Variants in ADA observed in about 807,000 individuals in gnomAD.
ADA encodes the protein adenosine deaminase.
In ADA, 45 loss-of-function variants were observed where a neutral mutation model predicts 49.0. That is an observed-to-expected ratio of 0.92 (90% confidence interval 0.72 to 1.18). The LOEUF (loss-of-function observed/expected upper bound fraction) is 1.18, where lower values mean the gene tolerates loss of function less well. ADA is among the 50% of genes most tolerant of loss of function. ADA has a pLI of 0.00. For missense variants in ADA, 445 were observed against 472.5 expected (o/e 0.94, Z 0.54); for synonymous variants, 173 against 184.2 (o/e 0.94, Z 0.49).
intron 5 of ADA, among the ~76,000 whole-genome samples, chr20:44,625,310 C>T (rs774560588): frequency 2.0e-5 from 3 of 151,920 alleles, no homozygotes; most frequent in African/African-American, 2.4e-5. Flanking sequence ...TCAATAGTTA[C>T]GTTCCTATTT....
At chr20:44,651,541 G>T (rs1184877615) in intron 1 of ADA, 34 bp downstream of exon 1, 2 of 1,527,422 alleles carry the variant, frequency 1.3e-6, no homozygotes, top group Non-Finnish European at 1.8e-6. Flanking sequence ...CCAGGCGCCG[G>T]ACCCCCGTCC....
intron 1 of ADA, among the ~76,000 whole-genome samples, chr20:44,646,713 G>A (rs969791964): frequency 1.2e-4 from 19 of 152,044 alleles, no homozygotes; most frequent in Non-Finnish European, 1.9e-4. Context: ...CGGCAGGCAG[G>A]AATTCAACCC....
chr20:44,642,636 C>T (rs2065547720), intron 1 of ADA, among the ~76,000 whole-genome samples: 1 of 152,096 alleles, frequency 6.6e-6, no homozygotes, highest in African/African-American at 2.4e-5. Context: ...GAGGCCGAAG[C>T]AAAGGGTTTT....
At chr20:44,651,330 T>C (rs1375829156) in intron 1 of ADA, among the ~76,000 whole-genome samples, 1 of 152,160 alleles carries the variant, frequency 6.6e-6, no homozygotes, top group South Asian at 2.1e-4. Context: ...ACAGCGAAAC[T>C]GAGACCCAGA....
chr20:44,649,140 A>G (rs1422973236), intron 1 of ADA, among the ~76,000 whole-genome samples: 1 of 152,096 alleles, frequency 6.6e-6, no homozygotes, highest in Non-Finnish European at 1.5e-5. Context: ...TAGCTGTGTG[A>G]TCTTGGGCCT....
Position 44,625,431 on chromosome 20 carries a change from A to C in ADA, c.478+138T>G, listed in dbSNP as rs112441593. On this transcript the variant is annotated intron_variant, in intron 5 of 11. Transcript: ENST00000372874. ...TCTCCAGTTGTTTCATGAAGCCCCAAGTTCATGCCAGTGGGCTCAAGGGGA... is the reference window on the plus strand; with the variant it reads ...TCTCCAGTTGTTTCATGAAGCCCCACGTTCATGCCAGTGGGCTCAAGGGGA... 5.3e-4 allele frequency: 410 copies of C among 772,510 alleles called. 2 individuals are homozygous for C. The African/African-American group carries it at 6.4e-3, about 12-fold the overall frequency. 47.9% of individuals were successfully genotyped at this position (772,510 alleles called of 1,614,324 possible).
chr20:44,641,298 G>C (rs369266251), intron 1 of ADA, among the ~76,000 whole-genome samples: 12 of 152,138 alleles, frequency 7.9e-5, no homozygotes, highest in Non-Finnish European at 1.8e-4. Context: ...AAAACACGTA[G>C]TCAAGATTGG....
At chr20:44,630,341 A>G (rs1172515702) in intron 2 of ADA, among the ~76,000 whole-genome samples, 2 of 150,904 alleles carry the variant, frequency 1.3e-5, no homozygotes, top group East Asian at 3.9e-4. Flanking sequence ...AAGACTCTGT[A>G]TCACAAAAAA....
chr20:44,638,493 C>T lies in ADA; in HGVS notation c.34-2205G>A, dbSNP rs2065501109. Among the ~76,000 whole-genome samples the T allele has an allele frequency of 2.6e-5, 4 of 152,222 alleles. No individual in the cohort carries two copies. The South Asian group carries it at 8.3e-4, about 31-fold the overall frequency. On this transcript the variant is annotated intron_variant, in intron 1 of 11. Transcript: ENST00000372874. ...TTGGGAGGCTGAGACAGGAGAATCA[C>T]CTGAACCTGGGAGGCAGAGGCTGCA...
At chr20:44,647,640 G>C (rs920079055) in intron 1 of ADA, among the ~76,000 whole-genome samples, 1 of 151,972 alleles carries the variant, frequency 6.6e-6, no homozygotes, top group African/African-American at 2.4e-5. Context: ...GTTACTAGCC[G>C]GGCACAGTGG....
intron 4 of ADA, 113 bp from the exon 5 acceptor site, chr20:44,625,797 C>T (rs1032702625): frequency 3.7e-6 from 3 of 808,642 alleles, no homozygotes; most frequent in Non-Finnish European, 4.1e-6. Context: ...CCTCCTCCCC[C>T]ACTGACCCAC....
At position 44,624,326 on chromosome 20, in the gene ADA, C is replaced by T. The variant is rs2065362194; in HGVS notation, c.482G>A (p.Trp161Ter). The T allele has an allele frequency of 6.2e-7, 1 of 1,613,376 alleles. No individual in the cohort carries two copies. The highest frequency in any genetic ancestry group is 1.3e-5 in the African/African-American group (1 of 75,016). Residue 161 changes from tryptophan (W) to a stop codon, truncating the protein, a stop_gained, in exon 6 of 12, where the codon TGG becomes TAG. Transcript: ENST00000372874. LOFTEE classifies it high-confidence loss of function. Reference sequence around the variant, plus strand: ...ACACAGCTCCACCACCTTGGGGGACCAGTCTGTGGGCGAGATGCCCACCCA... The same window carrying T: ...ACACAGCTCCACCACCTTGGGGGACTAGTCTGTGGGCGAGATGCCCACCCA... ...ILCCMRHQPN[W>*]SPKVVELCKK...
chr20:44,646,191 T>G (rs1161335464), intron 1 of ADA, among the ~76,000 whole-genome samples: 1 of 152,148 alleles, frequency 6.6e-6, no homozygotes, highest in Non-Finnish European at 1.5e-5. Flanking sequence ...AATGCAGGAT[T>G]GGGAAGCTGC....
In ADA at chr20:44,620,199, C is replaced by T. The variant is rs761805059; in HGVS notation, c.1078+100G>A. On this transcript the variant is annotated intron_variant, in intron 11 of 11. Coordinates refer to ENST00000372874, the MANE Select transcript of ADA (RefSeq NM_000022.4). ...CCAGGGAGTCATCACACATTCATGG[C>T]GCTGCCCAAGAATGGAAGGGCATCT... The T allele has an allele frequency of 3.9e-4, 411 of 1,058,876 alleles. 2 individuals are homozygous for T. Among genetic ancestry groups the T allele is most frequent in the Non-Finnish European group, 5.1e-4 (345 of 676,088 alleles). 65.6% of individuals were successfully genotyped at this position (1,058,876 alleles called of 1,614,324 possible). A position where few individuals can be genotyped will look rare whatever the true frequency, so the allele number is the denominator to read the frequency against.
Position 44,626,514 on chromosome 20 carries a change from A to G in ADA, c.304T>C (p.Tyr102His), listed in dbSNP as rs1359688726. Residue 102 changes from tyrosine (Y) to histidine (H), a missense_variant, in exon 4 of 12, where the codon TAC becomes CAC. By Grantham distance (83) the Tyr-to-His change is moderately conservative. Coordinates refer to ENST00000372874, the MANE Select transcript of ADA (RefSeq NM_000022.4). ...KEGVVYVEVRYSPHLLANSKV... is the reference protein window; with the variant it reads ...KEGVVYVEVRHSPHLLANSKV... ...GAGTTGGCCAGCAGGTGCGGACTGT[A>G]CCGCACCTCCACATACACCACGCCC... The G allele has an allele frequency of 1.2e-6, 2 of 1,613,984 alleles. No individual in the cohort carries two copies. Among genetic ancestry groups the G allele is most frequent in the South Asian group, 1.1e-5 (1 of 91,076 alleles).
At chr20:44,646,372 T>G (rs955782435) in intron 1 of ADA, among the ~76,000 whole-genome samples, 1 of 152,196 alleles carries the variant, frequency 6.6e-6, no homozygotes, top group Non-Finnish European at 1.5e-5. Flanking sequence ...GGCACATTTT[T>G]GTTTTAACAG....
At chr20:44,645,217 G>A (rs1256736155) in intron 1 of ADA, among the ~76,000 whole-genome samples, 4 of 152,128 alleles carry the variant, frequency 2.6e-5, no homozygotes, top group Non-Finnish European at 5.9e-5. Flanking sequence ...GGGAGGACCA[G>A]CGGGGGCAAG....
chr20:44,619,701 C>G lies in ADA; in HGVS notation c.*133G>C. ...GTATACGTGTGTGCAGAAATGGACA[C>G]ATAGGGTTCAGGAGCATCAGTAACT... On this transcript the variant is annotated 3_prime_UTR_variant, in exon 12 of 12. Coordinates refer to ENST00000372874, the MANE Select transcript of ADA (RefSeq NM_000022.4). 8.2e-7 allele frequency: 1 copy of G among 1,215,530 alleles called. No individual in the cohort carries two copies. The highest frequency in any genetic ancestry group is 1.2e-5 in the South Asian group (1 of 81,072). The allele number at this position is 1,215,530 out of a possible 1,614,324, so 75.3% of individuals were successfully genotyped here. A position where few individuals can be genotyped will look rare whatever the true frequency, so the allele number is the denominator to read the frequency against.
chr20:44,637,417 G>A lies in ADA; in HGVS notation c.34-1129C>T, dbSNP rs2145340527. On this transcript the variant is annotated intron_variant, in intron 1 of 11. Coordinates refer to ENST00000372874, the MANE Select transcript of ADA (RefSeq NM_000022.4). ...ACAGCCCCTGCCGCTCAGTCAGGGT[G>A]TTTACCATGAGCTGTTAGGAGAAGC... Among the ~76,000 whole-genome samples the A allele has an allele frequency of 2.0e-5, 3 of 152,344 alleles. 1 individual carries two copies. The highest frequency in any genetic ancestry group is 2.0e-4 in the Admixed American group (3 of 15,300).
Sources: allele counts gnomAD v4.1 joint callset (sites outside exome capture counted in the v4.1 genomes callset), GRCh38; gene constraint gnomAD v4.1.1; transcripts MANE v1.5; gene names NCBI Gene and HGNC (gene_info 2026-07-23, HGNC 2026-07-21).